SESTD1: variants seen among roughly 807,000 people sequenced by gnomAD.
SESTD1 encodes SEC14 domain and spectrin repeat-containing protein 1.
Under a neutral mutation model 101.7 loss-of-function variants are expected in SESTD1, and 43 were observed. The ratio of observed to expected loss-of-function variants is 0.42; its 90% CI spans 0.33 to 0.55. The LOEUF is 0.55. SESTD1 is among the 20% of genes least tolerant of loss of function. SESTD1 has a pLI of 0.07. For missense variants in SESTD1, 647 were observed against 815.1 expected, an observed-to-expected ratio of 0.79 and a Z score of 2.51; for synonymous variants, 283 against 286.8, an observed-to-expected ratio of 0.99 and a Z score of 0.13.
At chr2:179,254,021 G>A (rs1008206024) in intron 1 of SESTD1, among the ~76,000 whole-genome samples, 2 of 151,888 alleles carry the variant, frequency 1.3e-5, no homozygotes, top group Non-Finnish European at 2.9e-5. Flanking sequence ...GATCACCTGA[G>A]CCCAGAAGGT....
chr2:179,200,798 AG>A (rs1426623580), intron 1 of SESTD1, among the ~76,000 whole-genome samples: 1 of 135,408 alleles, frequency 7.4e-6, no homozygotes, highest in Non-Finnish European at 1.6e-5. Flanking sequence ...CTTAAACATT[AG>A]ACTGAAAACC....
chr2:179,225,880 T>C (rs750449118), intron 1 of SESTD1, among the ~76,000 whole-genome samples: 10 of 152,162 alleles, frequency 6.6e-5, no homozygotes, highest in Non-Finnish European at 1.3e-4. Context: ...CAGTTGGAAC[T>C]AAGTTCCAAC....
rs1185972163 is a variant in SESTD1 at position 179,172,151 on chromosome 2, A to T, written c.338T>A (p.Phe113Tyr). Residue 113 changes from phenylalanine to tyrosine, a missense_variant, in exon 5 of 18, where the codon TTT (phenylalanine) becomes TAT (tyrosine). Phe to Tyr is a conservative substitution (Grantham distance 22). Around this residue, in one of 3 missense-constraint regions of SESTD1, gnomAD observed 168 missense variants for 235.1 expected, o/e 0.71. Transcript: ENST00000428443. ...GCCAAGTCTATCCTTCTCCTTCCAAAAACAAAAATGCGTTACTTTCTTATC... is the reference window on the plus strand; with the variant it reads ...GCCAAGTCTATCCTTCTCCTTCCAATAACAAAAATGCGTTACTTTCTTATC... ...FWDKKVTHFC[F>Y]WKEKDRLGFE... 1 of 1,610,178 alleles carries T rather than the reference A, an allele frequency of 6.2e-7. No homozygotes were observed.
chr2:179,259,909 C>G (rs1265488815), intron 1 of SESTD1, among the ~76,000 whole-genome samples: 2 of 152,166 alleles, frequency 1.3e-5, no homozygotes, highest in African/African-American at 2.4e-5. Context: ...ATGATTTTAC[C>G]TACCATCCTT....
chr2:179,232,827 T>C (rs1262772717), intron 1 of SESTD1, among the ~76,000 whole-genome samples: 2 of 152,178 alleles, frequency 1.3e-5, no homozygotes, highest in Non-Finnish European at 2.9e-5. Flanking sequence ...TCTGTCCATT[T>C]TGTGTACAGA....
intron 1 of SESTD1, among the ~76,000 whole-genome samples, chr2:179,234,712 C>T (rs938948885): frequency 6.6e-6 from 1 of 152,118 alleles, no homozygotes; most frequent in Non-Finnish European, 1.5e-5. Flanking sequence ...CTGTAGTATT[C>T]CAGCCAGAAA....
chr2:179,154,748 G>A (rs906676154), intron 5 of SESTD1, among the ~76,000 whole-genome samples: 2 of 152,042 alleles, frequency 1.3e-5, no homozygotes, highest in African/African-American at 2.4e-5. Flanking sequence ...AAATGTATAC[G>A]AGAAAGAGAA....
Position 179,146,402 on chromosome 2 carries a change from C to T in SESTD1, c.637G>A (p.Gly213Arg). Residue 213 changes from glycine (G) to arginine (R), a missense_variant and splice_region_variant, in exon 8 of 18, where the codon GGG (glycine) becomes AGG (arginine). Physicochemically the swap from Gly to Arg is moderately radical, Grantham distance 125. This residue lies in a region of SESTD1 where 3 missense variants were observed against 17.4 expected (regional missense o/e 0.17). Coordinates refer to ENST00000428443, the MANE Select transcript of SESTD1 (RefSeq NM_178123.5). ...ATCACAAATATTTTTTAAATCTTAC[C>T]TGTCTGAAGAACTGTTTCAGGATCA... ...SVDPETVLQT[G>R]HELLSELQQR... 1 of 1,609,846 alleles carries T rather than the reference C, an allele frequency of 6.2e-7. No individual in the cohort carries two copies. The highest frequency in any genetic ancestry group is 8.5e-7 in the Non-Finnish European group (1 of 1,177,518).
intron 2 of SESTD1, among the ~76,000 whole-genome samples, chr2:179,183,485 C>T (rs2105487037): frequency 6.6e-6 from 1 of 152,186 alleles, no homozygotes; most frequent in Non-Finnish European, 1.5e-5. Context: ...AAACACCTCT[C>T]ACGTGCCCAG....
Position 179,112,797 on chromosome 2 carries a change from G to A in SESTD1, c.1888C>T (p.Gln630Ter), listed in dbSNP as rs1553515877. ...EEPEAINDEE[Q>*]FDEIEAVGKS... is the part of the protein sequence containing the mutation. ...CCAACTGCTTCAATTTCATCAAATT[G>A]CTCCTCATCATTAATAGCTTCAGGC... The change falls in exon 17 of 18, where the codon CAA becomes TAA. Residue 630 changes from glutamine to a stop codon, truncating the protein, a stop_gained. Transcript: ENST00000428443. LOFTEE classifies it high-confidence loss of function. 6.2e-7 allele frequency: 1 copy of A among 1,612,980 alleles called. No individual in the cohort carries two copies. Among genetic ancestry groups the A allele is most frequent in the South Asian group, 1.1e-5 (1 of 91,056 alleles).
chr2:179,250,645 C>A (rs2047303218), intron 1 of SESTD1, among the ~76,000 whole-genome samples: 1 of 151,998 alleles, frequency 6.6e-6, no homozygotes, highest in African/African-American at 2.4e-5. Context: ...CTTTTAAGGA[C>A]ACCAGTCAGA....
At chr2:179,249,567 T>C (rs949281736) in intron 1 of SESTD1, among the ~76,000 whole-genome samples, 1 of 152,192 alleles carries the variant, frequency 6.6e-6, no homozygotes, top group African/African-American at 2.4e-5. Context: ...AGACTCACTA[T>C]AGAAACGTGT....
chr2:179,167,517 A>G (rs559907244), intron 5 of SESTD1, among the ~76,000 whole-genome samples: 1 of 152,348 alleles, frequency 6.6e-6, no homozygotes, highest in African/African-American at 2.4e-5. Context: ...CAAACCAGGT[A>G]TCTAAGAAGT....
Position 179,107,640 on chromosome 2 carries a change from A to T in SESTD1, c.*2259T>A, listed in dbSNP as rs1208690407. The T allele has an allele frequency of 1.3e-5, 2 of 152,098 alleles. No homozygotes were observed. Among genetic ancestry groups the T allele is most frequent in the African/African-American group, 2.4e-5 (1 of 41,448 alleles). 9.4% of individuals were successfully genotyped at this position (152,098 alleles called of 1,614,324 possible). A position where few individuals can be genotyped will look rare whatever the true frequency, so the allele number is the denominator to read the frequency against. On this transcript the variant is annotated 3_prime_UTR_variant, in exon 18 of 18. Transcript: ENST00000428443. ...TCACTTGTAAGTCAGTTCTAACTTTAAAAAAGTATGTTTAAAACATACTTC... is the reference window on the plus strand; with the variant it reads ...TCACTTGTAAGTCAGTTCTAACTTTTAAAAAGTATGTTTAAAACATACTTC...
intron 1 of SESTD1, among the ~76,000 whole-genome samples, chr2:179,248,475 T>C (rs576841521): frequency 1.6e-4 from 25 of 152,190 alleles, no homozygotes; most frequent in African/African-American, 5.3e-4. Context: ...CTAAGAATCC[T>C]AAACTAAATA....
At chr2:179,121,215 A>T (rs779786930) in intron 13 of SESTD1, among the ~76,000 whole-genome samples, 1 of 152,224 alleles carries the variant, frequency 6.6e-6, no homozygotes, top group Non-Finnish European at 1.5e-5. Context: ...ATATTGCATA[A>T]TTTTAATCCT....
intron 5 of SESTD1, among the ~76,000 whole-genome samples, chr2:179,152,732 C>T (rs1408734603): frequency 6.6e-6 from 1 of 152,104 alleles, no homozygotes; most frequent in Admixed American, 6.5e-5. Context: ...GAACTATGAA[C>T]TCTATCAAAT....
chr2:179,186,976 T>A (rs971966073), intron 2 of SESTD1, among the ~76,000 whole-genome samples: 12 of 152,140 alleles, frequency 7.9e-5, no homozygotes, highest in Non-Finnish European at 1.8e-4. Context: ...TTTTCAGCAT[T>A]CTTAAAGAAA....
intron 15 of SESTD1, among the ~76,000 whole-genome samples, chr2:179,115,598 A>G (rs896011798): frequency 6.6e-6 from 1 of 151,996 alleles, no homozygotes; most frequent in Non-Finnish European, 1.5e-5. Flanking sequence ...AATGAAAAAA[A>G]TTAGTTGAGT....
Sources: gnomAD v4.1 joint callset for allele counts (sites outside exome capture counted in the v4.1 genomes callset) on GRCh38, gnomAD v4.1.1 for gene constraint, gnomAD v4.1.1 regional missense constraint, MANE v1.5 for transcripts, NCBI Gene and HGNC (gene_info 2026-07-23, HGNC 2026-07-21) for gene names.